Variants in MAP3K15 observed in about 807,000 individuals in gnomAD.
The protein encoded by MAP3K15 is MAPK/ERK kinase kinase 15.
Under a neutral mutation model 99.5 loss-of-function variants are expected in MAP3K15, and 124 were observed. That is an observed-to-expected ratio of 1.25 (90% CI 1.08 to 1.45). The LOEUF (loss-of-function observed/expected upper bound fraction) is 1.45. Among genes scored for constraint, MAP3K15 ranks in the 40% most tolerant of loss-of-function variants. The pLI is 0.00. For missense variants in MAP3K15, 1,242 were observed against 1,079.7 expected (o/e 1.15, Z -2.11); for synonymous variants, 494 against 439.6 (o/e 1.12, Z -1.55).
chrX:19,362,516 C>G (rs769372972), intron 26 of MAP3K15, among the ~76,000 whole-genome samples: 10 of 110,842 alleles, frequency 9.0e-5, no homozygotes, highest in Non-Finnish European at 1.9e-4. Flanking sequence ...ATTACAGGCA[C>G]GAGCTACGGT....
chrX:19,387,210 G>C (rs2063498935), intron 18 of MAP3K15, among the ~76,000 whole-genome samples: 1 of 110,835 alleles, frequency 9.0e-6, no homozygotes, highest in African/African-American at 3.3e-5. Flanking sequence ...TTACACAGTG[G>C]ACTGGCACCC....
In MAP3K15 at chrX:19,486,491, T is replaced by C. The variant is rs764367354; in HGVS notation, c.516A>G (p.Gln172=). 12 of 878,008 alleles carry C rather than the reference T, an allele frequency of 1.4e-5. No homozygotes were observed. Among genetic ancestry groups the C allele is most frequent in the Non-Finnish European group, 1.9e-5 (12 of 648,255 alleles). 72.4% of individuals were successfully genotyped at this position (878,008 alleles called of 1,213,427 possible). Residue 172 remains glutamine, a synonymous_variant, in exon 3 of 29, where the codon CAA becomes CAG. Transcript: ENST00000338883. ...TALSLKDMVT[Q]KNTASSGNYY... is the part of the protein sequence containing the mutation. ...AAATGTTAATACTTACTGTGTTTTT[T>C]TGAGTTACCATGTCCTGAAAAGAAA...
intron 3 of MAP3K15, among the ~76,000 whole-genome samples, chrX:19,465,137 G>A (rs1449358878): frequency 9.0e-6 from 1 of 110,562 alleles, no homozygotes; most frequent in Non-Finnish European, 1.9e-5. Flanking sequence ...CAAACAATCC[G>A]CCCACCTCAA....
At chrX:19,434,470 TCA>T (rs1450677382) in intron 6 of MAP3K15, among the ~76,000 whole-genome samples, 1 of 109,037 alleles carries the variant, frequency 9.2e-6, no homozygotes, top group Non-Finnish European at 1.9e-5. Flanking sequence ...ACTCATGATC[TCA>T]GGTGATCCAC....
chrX:19,365,208 CAA>C (rs141602108), intron 25 of MAP3K15, among the ~76,000 whole-genome samples: 8 of 74,739 alleles, frequency 1.1e-4, no homozygotes, highest in Admixed American at 1.7e-4. Context: ...AACTCCATCT[CAA>C]AAAAAAAAAA....
At position 19,482,179 on chromosome X, in the gene MAP3K15, C is replaced by CAAAAAAAAAAAAAA. The variant is rs34191166; in HGVS notation, c.525+4289_525+4302dup. 69 of 31,431 alleles carry CAAAAAAAAAAAAAA rather than the reference C, an allele frequency of 2.2e-3. 3 individuals carry two copies. Among genetic ancestry groups the CAAAAAAAAAAAAAA allele is most frequent in the African/African-American group, 3.7e-3 (35 of 9,367 alleles). 2.6% of individuals were successfully genotyped at this position (31,431 alleles called of 1,213,427 possible). A position where few individuals can be genotyped will look rare whatever the true frequency, so the allele number is the denominator to read the frequency against. On this transcript the variant is annotated intron_variant, in intron 3 of 28. Transcript: ENST00000338883. ...TGGGCGACAGAGTGAGATTCCAGCT[C>CAAAAAAAAAAAAAA]AAAAAAAAAAAAAAAAAGCCTATAT...
intron 6 of MAP3K15, among the ~76,000 whole-genome samples, chrX:19,436,427 A>G (rs999152242): frequency 9.0e-6 from 1 of 110,881 alleles, no homozygotes; most frequent in African/African-American, 3.3e-5. Context: ...ACTTTAGTCC[A>G]TCTCTCTGAT....
chrX:19,425,628 C>T lies in MAP3K15; in HGVS notation c.1342G>A (p.Asp448Asn), dbSNP rs751391076. The T allele has an allele frequency of 2.8e-5, 33 of 1,197,304 alleles. No homozygotes were observed. Among genetic ancestry groups the T allele is most frequent in the Non-Finnish European group, 3.7e-5 (33 of 894,048 alleles). The part of the protein sequence containing the change: ...GSLEKMNNYW[D>N]VGQFFSVSML... ...CTGACGCTGAAGAACTGACCCACAT[C>T]CCAGTAATTGTTCATTTTCTCCAAG... The change falls in exon 9 of 29, where the codon GAT becomes AAT. Residue 448 changes from aspartate (D) to asparagine (N), a missense_variant. Coordinates refer to ENST00000338883, the MANE Select transcript of MAP3K15 (RefSeq NM_001001671.4).
At chrX:19,454,354 G>T (rs1761581429) in intron 6 of MAP3K15, among the ~76,000 whole-genome samples, 1 of 111,852 alleles carries the variant, frequency 8.9e-6, no homozygotes, top group African/African-American at 3.3e-5. Flanking sequence ...AGAATATTCT[G>T]ACTACATTCA....
chrX:19,408,875 G>A (rs2063666661), intron 12 of MAP3K15, among the ~76,000 whole-genome samples: 1 of 110,835 alleles, frequency 9.0e-6, no homozygotes, highest in Non-Finnish European at 1.9e-5. Flanking sequence ...CAAATACTGT[G>A]TCCTGATATT....
intron 7 of MAP3K15, among the ~76,000 whole-genome samples, chrX:19,428,071 A>C (rs766549555): frequency 8.9e-6 from 1 of 111,753 alleles, no homozygotes; most frequent in South Asian, 3.8e-4. Flanking sequence ...GGGGCAGAGA[A>C]GATCTGAACT....
chrX:19,404,129 T>C (rs1481922564), intron 13 of MAP3K15, among the ~76,000 whole-genome samples: 1 of 111,474 alleles, frequency 9.0e-6, no homozygotes, highest in Admixed American at 9.6e-5. Flanking sequence ...AGGAATTCAA[T>C]AAAACCCATT....
chrX:19,464,232 C>G lies in MAP3K15; in HGVS notation c.700G>C (p.Asp234His), dbSNP rs2147362848. Residue 234 changes from aspartate (D) to histidine (H), a missense_variant, in exon 4 of 29, where the codon GAC becomes CAC. Physicochemically the swap from Asp to His is moderately conservative, Grantham distance 81. Transcript: ENST00000338883. Reference sequence around the variant, plus strand: ...AATTACCATGAGGTCACGTGGATGTCCTTAAGGAGGCTAATGAACCTGTCC... The same window carrying G: ...AATTACCATGAGGTCACGTGGATGTGCTTAAGGAGGCTAATGAACCTGTCC... The part of the protein sequence containing the change: ...LVDRFISLLK[D>H]IHVTSCVYYK... 8.4e-7 allele frequency: 1 copy of G among 1,196,912 alleles called. No individual in the cohort carries two copies. Among genetic ancestry groups the G allele is most frequent in the East Asian group, 3.0e-5 (1 of 33,718 alleles).
intron 3 of MAP3K15, among the ~76,000 whole-genome samples, chrX:19,468,934 G>A (rs1056362974): frequency 4.5e-5 from 5 of 111,541 alleles, no homozygotes; most frequent in Non-Finnish European, 9.4e-5. Context: ...TGGCGTATAA[G>A]AATGCTTGTG....
In MAP3K15 at chrX:19,406,973, T is replaced by C. The variant is rs148455890; in HGVS notation, c.1844+215A>G. Among the ~76,000 whole-genome samples the C allele has an allele frequency of 7.4e-3, 829 of 112,490 alleles. 5 individuals are homozygous for C. Among genetic ancestry groups the C allele is most frequent in the African/African-American group, 0.024 (753 of 30,955 alleles). ...TCCTCAGCCTCCCAAAGTGCTGAGATTACAGGCGTGAGCTACTGCACCTGG... is the reference window on the plus strand; with the variant it reads ...TCCTCAGCCTCCCAAAGTGCTGAGACTACAGGCGTGAGCTACTGCACCTGG... On this transcript the variant is annotated intron_variant, in intron 13 of 28. Coordinates refer to ENST00000338883, the MANE Select transcript of MAP3K15 (RefSeq NM_001001671.4).
At chrX:19,485,007 T>C (rs1396710705) in intron 3 of MAP3K15, among the ~76,000 whole-genome samples, 1 of 110,627 alleles carries the variant, frequency 9.0e-6, no homozygotes, top group Non-Finnish European at 1.9e-5. Context: ...CTCCACAAAT[T>C]AGGTAATTTT....
chrX:19,504,594 T>G (rs1800678900), intron 1 of MAP3K15, among the ~76,000 whole-genome samples: 1 of 111,585 alleles, frequency 9.0e-6, no homozygotes, highest in South Asian at 3.7e-4. Context: ...TTCATATCTT[T>G]TGTTTAAAAA....
At chrX:19,422,991 A>G (rs1186197703) in intron 9 of MAP3K15, among the ~76,000 whole-genome samples, 3 of 100,454 alleles carry the variant, frequency 3.0e-5, no homozygotes, top group African/African-American at 1.1e-4. Context: ...GAACACATGG[A>G]CACAGGAAGG....
intron 9 of MAP3K15, among the ~76,000 whole-genome samples, chrX:19,421,777 C>G (rs1181873654): frequency 1.8e-5 from 2 of 109,839 alleles, no homozygotes. Context: ...TGACTTCAAA[C>G]TATACTACAA....
Sources: allele counts gnomAD v4.1 joint callset (sites outside exome capture counted in the v4.1 genomes callset), GRCh38; gene constraint gnomAD v4.1.1; transcripts MANE v1.5; gene names NCBI Gene and HGNC (gene_info 2026-07-23, HGNC 2026-07-21).